The following LEMD1 variants were observed in gnomAD, a reference collection of about 807,000 sequenced individuals.
The protein encoded by LEMD1 is LEM domain containing 1.
Under a neutral mutation model 17.4 loss-of-function variants are expected in LEMD1, and 18 were observed. The observed-to-expected ratio is 1.04, with a 90% CI of 0.72 to 1.54. The LOEUF (loss-of-function observed/expected upper bound fraction) is 1.54, where lower values mean the gene tolerates loss of function less well. Ranked by LOEUF, LEMD1 falls within the 40% of genes most tolerant of loss-of-function variation. The probability of loss-of-function intolerance (pLI) is 0.00; values close to 1 mark genes in which losing one functional copy is unlikely to be tolerated. For missense variants in LEMD1, 195 were observed against 210.4 expected (o/e 0.93, Z 0.45); for synonymous variants, 88 against 77.8 (o/e 1.13, Z -0.69).
upstream of LEMD1, among the ~76,000 whole-genome samples, chr1:205,424,518 C>G (rs538033243): frequency 6.6e-6 from 1 of 152,232 alleles, no homozygotes; most frequent in East Asian, 1.9e-4. Flanking sequence ...AAAGCTATAG[C>G]CCCTCTTTCA....
chr1:205,406,645 C>T (rs2102401120), intron 4 of LEMD1, among the ~76,000 whole-genome samples: 2 of 152,370 alleles, frequency 1.3e-5, no homozygotes, highest in Admixed American at 1.3e-4. Flanking sequence ...AACTCCCTGA[C>T]CCCTTGTGCT....
chr1:205,432,361 C>T (rs979366641), intron 1 of LEMD1, among the ~76,000 whole-genome samples: 4 of 152,150 alleles, frequency 2.6e-5, no homozygotes, highest in Non-Finnish European at 4.4e-5. Context: ...GCCCAGTGTG[C>T]ACTGCTCCCA....
intron 2 of LEMD1, among the ~76,000 whole-genome samples, chr1:205,419,628 A>C (rs568201705): frequency 6.6e-6 from 1 of 152,212 alleles, no homozygotes; most frequent in South Asian, 2.1e-4. Context: ...ACACTCGGCT[A>C]ATTTTTGTGT....
At chr1:205,410,241 C>A (rs1387841235) in intron 4 of LEMD1, among the ~76,000 whole-genome samples, 1 of 152,056 alleles carries the variant, frequency 6.6e-6, no homozygotes, top group Non-Finnish European at 1.5e-5. Context: ...TTTTTGATAC[C>A]CATATTCTTT....
chr1:205,381,700 C>T lies in LEMD1; in HGVS notation c.504G>A (p.Val168=), dbSNP rs746172219. The change falls in exon 6 of 6, where the codon GTG becomes GTA. Residue 168 remains valine, a synonymous_variant. Transcript: ENST00000367153. ...TATTTTCCACAGTCAGGTAGACAAACACCACAATGATGAAAATACCAAGCA... is the reference window on the plus strand; with the variant it reads ...TATTTTCCACAGTCAGGTAGACAAATACCACAATGATGAAAATACCAAGCA... The part of the protein sequence containing the change: ...LAVLGIFIIV[V]FVYLTVENKS... 7 of 1,614,230 alleles carry T rather than the reference C, an allele frequency of 4.3e-6. No individual in the cohort carries two copies. Among genetic ancestry groups the T allele is most frequent in the Non-Finnish European group, 5.9e-6 (7 of 1,180,040 alleles).
chr1:205,411,424 G>A (rs558918497), intron 4 of LEMD1, among the ~76,000 whole-genome samples: 9 of 151,904 alleles, frequency 5.9e-5, no homozygotes, highest in Non-Finnish European at 1.3e-4. Flanking sequence ...GCGTGGTGGC[G>A]GGCGCATGTA....
intron 4 of LEMD1, among the ~76,000 whole-genome samples, chr1:205,412,961 G>A (rs1398311632): frequency 6.6e-6 from 1 of 152,148 alleles, no homozygotes; most frequent in Non-Finnish European, 1.5e-5. Context: ...TTTACCGAAT[G>A]GAAAGGATTC....
At chr1:205,432,920 A>G (rs1666147635) in intron 1 of LEMD1, among the ~76,000 whole-genome samples, 1 of 152,196 alleles carries the variant, frequency 6.6e-6, no homozygotes, top group Non-Finnish European at 1.5e-5. Flanking sequence ...CTGAGGTGAG[A>G]AGACCACTTG....
intron 2 of LEMD1, among the ~76,000 whole-genome samples, chr1:205,420,116 G>A (rs1351993251): frequency 3.3e-5 from 5 of 152,114 alleles, no homozygotes; most frequent in East Asian, 1.9e-4. Flanking sequence ...TCAGAAGTTC[G>A]AGACAAGCCT....
rs750370060 is a variant in LEMD1, at chr1:205,381,642, T to G, written c.*16A>C. On this transcript the variant is annotated 3_prime_UTR_variant, in exon 6 of 6. Transcript: ENST00000367153. Reference sequence around the variant, plus strand: ...CAGGAGGCCTCGCTTGGAGCATTGCTTTGCTCCTAAATTACTTAACCAAAC... The same window carrying G: ...CAGGAGGCCTCGCTTGGAGCATTGCGTTGCTCCTAAATTACTTAACCAAAC... 6.2e-7 allele frequency: 1 copy of G among 1,612,266 alleles called. No homozygotes were observed. The highest frequency in any genetic ancestry group is 1.7e-5 in the Admixed American group (1 of 60,020).
chr1:205,411,426 G>C lies in LEMD1; in HGVS notation c.270+4806C>G, dbSNP rs142259865. 7.8e-3 allele frequency among the ~76,000 whole-genome samples: 1,190 copies of C among 151,964 alleles called. 6 individuals carry two copies. Among genetic ancestry groups the C allele is most frequent in the Middle Eastern group, 0.031 (9 of 294 alleles). On this transcript the variant is annotated intron_variant, in intron 4 of 5. Coordinates refer to ENST00000367153, the MANE Select transcript of LEMD1 (RefSeq NM_001199050.2). ...AAAATTTAGCCGGGCGTGGTGGCGG[G>C]CGCATGTAGTCCCAGCTACCCGGAG... is the stretch of plus-strand genomic sequence containing the variant.
chr1:205,437,867 C>A (rs1383054464), intron 1 of LEMD1: 4 of 152,182 alleles, frequency 2.6e-5, no homozygotes, highest in African/African-American at 9.7e-5. Flanking sequence ...CAGCTCAGTG[C>A]TCCTTGCATC....
At chr1:205,429,020 C>A (rs1437278195) in intron 1 of LEMD1, among the ~76,000 whole-genome samples, 2 of 152,156 alleles carry the variant, frequency 1.3e-5, no homozygotes, top group Non-Finnish European at 2.9e-5. Context: ...GAGGGCCTGG[C>A]AATGGGAAGC....
chr1:205,403,686 T>G (rs1228542331), intron 4 of LEMD1, among the ~76,000 whole-genome samples: 1 of 152,212 alleles, frequency 6.6e-6, no homozygotes, highest in Non-Finnish European at 1.5e-5. Flanking sequence ...AAAGGCTTTT[T>G]TTGTCTCTAT....
At chr1:205,393,397 C>T (rs1415828792) in intron 4 of LEMD1, among the ~76,000 whole-genome samples, 6 of 150,848 alleles carry the variant, frequency 4.0e-5, no homozygotes, top group African/African-American at 1.2e-4. Context: ...AAAGGAAGAC[C>T]GGGCACGGTG....
intron 1 of LEMD1, among the ~76,000 whole-genome samples, chr1:205,439,416 C>T (rs182343941): frequency 6.6e-6 from 1 of 152,380 alleles, no homozygotes; most frequent in Admixed American, 6.5e-5. Flanking sequence ...ACCTGAATCC[C>T]ACCCAATCTG....
intron 3 of LEMD1, among the ~76,000 whole-genome samples, chr1:205,417,851 A>T (rs1665766843): frequency 6.6e-6 from 1 of 151,672 alleles, no homozygotes; most frequent in Non-Finnish European, 1.5e-5. Context: ...AAAAAAATGT[A>T]ATGTGGTCAC....
At chr1:205,405,079 G>T (rs1366175746) in intron 4 of LEMD1, among the ~76,000 whole-genome samples, 3 of 152,170 alleles carry the variant, frequency 2.0e-5, no homozygotes, top group African/African-American at 2.4e-5. Flanking sequence ...TCCGCTGTTA[G>T]TCTGATGGGC....
intron 4 of LEMD1, among the ~76,000 whole-genome samples, chr1:205,405,048 G>A (rs1665027511): frequency 6.6e-6 from 1 of 152,176 alleles, no homozygotes; most frequent in Admixed American, 6.5e-5. Context: ...CTTCTGGCTT[G>A]TAAGAGTTTC....
Sources: gnomAD v4.1 joint callset for allele counts (sites outside exome capture counted in the v4.1 genomes callset) on GRCh38, gnomAD v4.1.1 for gene constraint, MANE v1.5 for transcripts, NCBI Gene and HGNC (gene_info 2026-07-23, HGNC 2026-07-21) for gene names.